The following PCDH11X variants were observed in gnomAD, a reference collection of about 807,000 sequenced individuals.
PCDH11X encodes protocadherin 11 X-linked, also known as protocadherin-11 X-linked.
Under a neutral mutation model 53.3 loss-of-function variants are expected in PCDH11X, and 18 were observed. The ratio of observed to expected loss-of-function variants is 0.34; its 90% CI spans 0.23 to 0.50. The LOEUF is 0.50. Ranked by LOEUF, PCDH11X falls within the 20% of genes least tolerant of loss-of-function variation. The pLI is 0.98. For missense variants in PCDH11X, 570 were observed against 1,032.4 expected (o/e 0.55, Z 6.14); for synonymous variants, 279 against 393.3 (o/e 0.71, Z 3.44).
At chrX:91,825,462 C>A (rs1602305013) in intron 4 of PCDH11X, among the ~76,000 whole-genome samples, 1 of 112,013 alleles carries the variant, frequency 8.9e-6, no homozygotes, top group African/African-American at 3.2e-5. Flanking sequence ...TCACCCCTTT[C>A]TTTGATTAGG....
chrX:92,446,730 G>T (rs751850282), intron 9 of PCDH11X, among the ~76,000 whole-genome samples: 1 of 111,722 alleles, frequency 9.0e-6, no homozygotes, highest in Non-Finnish European at 1.9e-5. Context: ...CAGGAGTAGG[G>T]TGCTGCTGAA....
At chrX:92,593,392 C>T (rs1925238589) in intron 10 of PCDH11X, among the ~76,000 whole-genome samples, 2 of 111,363 alleles carry the variant, frequency 1.8e-5, no homozygotes, top group Admixed American at 1.9e-4. Flanking sequence ...AGGTTTTTTA[C>T]CAAAACTAAA....
At chrX:91,979,109 T>C (rs1395305757) in intron 6 of PCDH11X, among the ~76,000 whole-genome samples, 1 of 111,355 alleles carries the variant, frequency 9.0e-6, no homozygotes, top group Non-Finnish European at 1.9e-5. Flanking sequence ...GAACATATCG[T>C]ATACTAATGA....
intron 10 of PCDH11X, among the ~76,000 whole-genome samples, chrX:92,589,691 A>T (rs1479688102): frequency 1.8e-5 from 2 of 111,871 alleles, no homozygotes; most frequent in East Asian, 5.6e-4. Flanking sequence ...TGTATCAGTG[A>T]GACAATTACA....
intron 10 of PCDH11X, among the ~76,000 whole-genome samples, chrX:92,541,903 C>T (rs1451695188): frequency 1.8e-5 from 2 of 110,109 alleles, no homozygotes; most frequent in African/African-American, 3.3e-5. Flanking sequence ...GAGCCAAGAT[C>T]GTGCCACTGC....
At chrX:92,244,897 A>AT (rs11399523) in intron 7 of PCDH11X, among the ~76,000 whole-genome samples, 1,917 of 112,028 alleles carry the variant, frequency 0.017, 22 homozygotes, top group Non-Finnish European at 0.028. Context: ...ATACAACTCT[A>AT]TCATTCTTCC....
At chrX:92,317,230 T>C (rs187971636) in intron 8 of PCDH11X, among the ~76,000 whole-genome samples, 1,417 of 93,177 alleles carry the variant, frequency 0.015, 28 homozygotes, top group African/African-American at 0.054. Flanking sequence ...GACATACTGA[T>C]AGACCAAAAT....
rs1421014776 is a variant in PCDH11X, at chrX:92,619,598, G to A, written c.*658G>A. ...TTTCAATAAAGAATATGTATAAACTGTACAGATCTAGATCTACAACCTATT... is the reference window on the plus strand; with the variant it reads ...TTTCAATAAAGAATATGTATAAACTATACAGATCTAGATCTACAACCTATT... On this transcript the variant is annotated 3_prime_UTR_variant, in exon 11 of 11. Coordinates refer to ENST00000682573, the MANE Select transcript of PCDH11X (RefSeq NM_032968.5). 1 of 108,411 alleles carries A rather than the reference G, an allele frequency of 9.2e-6. No individual in the cohort carries two copies. Among genetic ancestry groups the A allele is most frequent in the Non-Finnish European group, 1.9e-5 (1 of 52,879 alleles). The allele number at this position is 108,411 out of a possible 1,213,427, so 8.9% of individuals were successfully genotyped here.
intron 10 of PCDH11X, among the ~76,000 whole-genome samples, chrX:92,528,014 A>T (rs1200422143): frequency 8.9e-6 from 1 of 112,025 alleles, no homozygotes; most frequent in Non-Finnish European, 1.9e-5. Context: ...TTCAGGGTGA[A>T]TTATTAGAAC....
At chrX:92,143,461 T>C (rs1051327770) in intron 6 of PCDH11X, among the ~76,000 whole-genome samples, 24 of 112,430 alleles carry the variant, frequency 2.1e-4, no homozygotes, top group Admixed American at 7.5e-4. Flanking sequence ...ACCTCTCTAG[T>C]CGTGGCTGAA....
chrX:92,453,113 G>T lies in PCDH11X; in HGVS notation c.3344-15186G>T, dbSNP rs757890261. Among the ~76,000 whole-genome samples the T allele has an allele frequency of 5.0e-3, 523 of 105,031 alleles. 4 individuals carry two copies. The highest frequency in any genetic ancestry group is 0.017 in the African/African-American group (475 of 27,825). The allele number at this position is 105,031 out of a possible 115,157, so 91.2% of individuals were successfully genotyped here. Reference sequence around the variant, plus strand: ...TAAATCTGTCTTATAAATGTAACCGGTAATGACACAATCTATGCAGTATTA... The same window carrying T: ...TAAATCTGTCTTATAAATGTAACCGTTAATGACACAATCTATGCAGTATTA... On this transcript the variant is annotated intron_variant, in intron 9 of 10. Transcript: ENST00000682573.
At position 92,114,242 on chromosome X, in the gene PCDH11X, C is replaced by A. The variant is rs911168446; in HGVS notation, c.3034-87133C>A. On this transcript the variant is annotated intron_variant, in intron 6 of 10. Transcript: ENST00000682573. ...TTCCCAGTCCCAGATCAGGCTTGAG[C>A]GATTACATTATAACCCCTGATACAA... The A allele has an allele frequency of 1.2e-5, 12 of 974,689 alleles. No individual in the cohort carries two copies. The African/African-American group carries it at 2.1e-4, about 17-fold the overall frequency. 80.3% of individuals were successfully genotyped at this position (974,689 alleles called of 1,213,427 possible).
At chrX:92,591,050 C>T (rs1924980539) in intron 10 of PCDH11X, among the ~76,000 whole-genome samples, 1 of 111,667 alleles carries the variant, frequency 9.0e-6, no homozygotes, top group African/African-American at 3.3e-5. Context: ...TGACTAATGT[C>T]TGTTTTGTTA....
intron 10 of PCDH11X, among the ~76,000 whole-genome samples, chrX:92,482,811 C>G (rs1312526844): frequency 9.1e-6 from 1 of 109,559 alleles, no homozygotes. Flanking sequence ...TTGTTTTTCT[C>G]TTAGTCTTCA....
At chrX:91,948,064 T>G (rs1602544500) in intron 6 of PCDH11X, among the ~76,000 whole-genome samples, 1 of 98,177 alleles carries the variant, frequency 1.0e-5, no homozygotes, top group Non-Finnish European at 2.1e-5. Context: ...AAATTTAAGG[T>G]ACTTGCTTTG....
chrX:92,516,785 C>T (rs896318818), intron 10 of PCDH11X, among the ~76,000 whole-genome samples: 4 of 112,024 alleles, frequency 3.6e-5, no homozygotes, highest in Non-Finnish European at 5.6e-5. Flanking sequence ...CAATGTCAAA[C>T]GACGACAACA....
chrX:92,231,957 TGTAGA>T lies in PCDH11X; in HGVS notation c.3114+30506_3114+30510del, dbSNP rs2067083069. Among the ~76,000 whole-genome samples, 4 of 111,417 alleles carry T rather than the reference TGTAGA, an allele frequency of 3.6e-5. No individual in the cohort carries two copies. The East Asian group carries it at 8.5e-4, about 24-fold the overall frequency. The stretch of plus-strand genomic sequence containing the variant: ...GGCTCACTTCATTCCAATGTGACTA[TGTAGA>T]GTAATTTCCATCTTAGGCCACACTT... On this transcript the variant is annotated intron_variant, in intron 7 of 10. Coordinates refer to ENST00000682573, the MANE Select transcript of PCDH11X (RefSeq NM_032968.5).
chrX:92,269,804 G>T (rs76300212), intron 8 of PCDH11X, among the ~76,000 whole-genome samples: 2 of 111,065 alleles, frequency 1.8e-5, no homozygotes, highest in African/African-American at 6.6e-5. Flanking sequence ...TCATCTCCCC[G>T]CTATTAACTA....
intron 8 of PCDH11X, among the ~76,000 whole-genome samples, chrX:92,313,737 G>C (rs190694806): frequency 4.5e-4 from 50 of 110,993 alleles, no homozygotes; most frequent in African/African-American, 1.6e-3. Context: ...AATGTTCTTT[G>C]GTTACAAATC....
Sources: gnomAD v4.1 joint callset for allele counts (sites outside exome capture counted in the v4.1 genomes callset) on GRCh38, gnomAD v4.1.1 for gene constraint, MANE v1.5 for transcripts, NCBI Gene and HGNC (gene_info 2026-07-23, HGNC 2026-07-21) for gene names.